SHISA9: variants seen among roughly 807,000 people sequenced by gnomAD.
SHISA9 encodes the protein shisa family member 9.
SHISA9 carries 13 observed loss-of-function variants against 38.0 expected under a neutral mutation model. The observed-to-expected ratio is 0.34, with a 90% confidence interval of 0.22 to 0.54. The LOEUF is 0.54. SHISA9 is among the 20% of genes least tolerant of loss of function. The pLI, the probability that SHISA9 is intolerant of heterozygous loss-of-function variation, is 0.91. For missense variants in SHISA9, 538 were observed against 575.8 expected, an observed-to-expected ratio of 0.93 and a Z score of 0.67; for synonymous variants, 275 against 242.0, an observed-to-expected ratio of 1.14 and a Z score of -1.27.
intron 2 of SHISA9, among the ~76,000 whole-genome samples, chr16:13,007,100 TA>T (rs1461755733): frequency 1.3e-5 from 2 of 152,184 alleles, no homozygotes; most frequent in Non-Finnish European, 2.9e-5. Context: ...TTCTAGATAC[TA>T]GAGATAATAC....
the SHISA9 span, among the ~76,000 whole-genome samples, chr16:13,517,982 C>T: frequency 6.6e-6 from 1 of 152,188 alleles, no homozygotes; most frequent in African/African-American, 2.4e-5. Flanking sequence ...CATGGCAATG[C>T]CCCTTATTGC....
chr16:13,213,253 G>A lies in SHISA9; in HGVS notation c.848G>A (p.Gly283Glu). ...LNKYASLKAV[G>E]SSDGDWAVST... ...CATTTCTTGATTGTTATTTTTTTAG[G>A]AAGTTCTGATGGTGACTGGGCAGTA... Residue 283 changes from glycine (G) to glutamate (E), a missense_variant and splice_region_variant, in exon 4 of 5, where the codon GGA becomes GAA. By Grantham distance (98) the Gly-to-Glu change is moderately conservative. Transcript: ENST00000558583. 6.4e-7 allele frequency: 1 copy of A among 1,551,640 alleles called. No individual in the cohort carries two copies. The highest frequency in any genetic ancestry group is 8.7e-7 in the Non-Finnish European group (1 of 1,146,908).
chr16:13,158,985 A>G (rs2050571934), intron 2 of SHISA9, among the ~76,000 whole-genome samples: 2 of 150,230 alleles, frequency 1.3e-5, no homozygotes, highest in African/African-American at 4.9e-5. Context: ...ACTTGAACCC[A>G]GGAGGCGGAG....
intron 2 of SHISA9, among the ~76,000 whole-genome samples, chr16:13,199,127 C>T (rs1596724703): frequency 6.6e-6 from 1 of 152,224 alleles, no homozygotes; most frequent in Non-Finnish European, 1.5e-5. Flanking sequence ...GACCTGGACA[C>T]AGGGTTTGAG....
intron 2 of SHISA9, among the ~76,000 whole-genome samples, chr16:12,957,101 T>G (rs758148169): frequency 2.6e-5 from 4 of 152,098 alleles, no homozygotes; most frequent in African/African-American, 9.7e-5. Context: ...TCCTTCCCTC[T>G]CCCTTACAAA....
At chr16:13,034,439 C>A (rs1417841572) in intron 2 of SHISA9, among the ~76,000 whole-genome samples, 1 of 152,118 alleles carries the variant, frequency 6.6e-6, no homozygotes, top group Non-Finnish European at 1.5e-5. Flanking sequence ...CTTCTGAGAT[C>A]AGGGAGAATT....
intron 2 of SHISA9, among the ~76,000 whole-genome samples, chr16:13,189,587 G>T (rs911591762): frequency 6.6e-6 from 1 of 152,130 alleles, no homozygotes; most frequent in Non-Finnish European, 1.5e-5. Context: ...CTGAGTACAC[G>T]ACTTTTGTCT....
the SHISA9 span, among the ~76,000 whole-genome samples, chr16:13,480,228 G>A: frequency 1.4e-4 from 22 of 152,082 alleles, no homozygotes; most frequent in Admixed American, 1.2e-3. Flanking sequence ...GGGCTGTTTA[G>A]GGTTTTTATT....
chr16:12,959,123 T>C (rs1376974007), intron 2 of SHISA9, among the ~76,000 whole-genome samples: 3 of 152,208 alleles, frequency 2.0e-5, no homozygotes, highest in Non-Finnish European at 4.4e-5. Context: ...ACCTGATTTG[T>C]GTTTTAAGAG....
At chr16:13,017,305 C>T (rs2141860000) in intron 2 of SHISA9, among the ~76,000 whole-genome samples, 1 of 152,298 alleles carries the variant, frequency 6.6e-6, no homozygotes, top group East Asian at 1.9e-4. Context: ...CAGGTGTGAG[C>T]CACAGTGCCC....
At chr16:12,911,833 A>C (rs902902389) in intron 1 of SHISA9, among the ~76,000 whole-genome samples, 2 of 152,222 alleles carry the variant, frequency 1.3e-5, no homozygotes, top group African/African-American at 4.8e-5. Flanking sequence ...GGCATTTTTA[A>C]ACCACATGTC....
chr16:13,362,849 A>C, the SHISA9 span, among the ~76,000 whole-genome samples: 1 of 152,118 alleles, frequency 6.6e-6, no homozygotes, highest in Non-Finnish European at 1.5e-5. Context: ...GTTTTTTTCA[A>C]AGTCCAGGCA....
the SHISA9 span, among the ~76,000 whole-genome samples, chr16:13,360,153 A>G: frequency 1.3e-5 from 2 of 152,330 alleles, no homozygotes; most frequent in South Asian, 2.1e-4. Context: ...CATATTCTAC[A>G]GTTACTTAAG....
chr16:13,060,188 T>C (rs2073357712), intron 2 of SHISA9, among the ~76,000 whole-genome samples: 1 of 152,172 alleles, frequency 6.6e-6, no homozygotes, highest in South Asian at 2.1e-4. Context: ...TGCGCCCCGA[T>C]GTGCCACATT....
chr16:13,363,436 T>C, the SHISA9 span, among the ~76,000 whole-genome samples: 1 of 152,176 alleles, frequency 6.6e-6, no homozygotes, highest in Non-Finnish European at 1.5e-5. Context: ...AAGGGATTTT[T>C]AAAAATTAGG....
the SHISA9 span, among the ~76,000 whole-genome samples, chr16:13,416,840 A>G: frequency 1.3e-5 from 2 of 151,690 alleles, no homozygotes; most frequent in African/African-American, 4.8e-5. Flanking sequence ...GAAGAGAAAG[A>G]AAGAAAGAGA....
chr16:13,282,465 C>A, the SHISA9 span, among the ~76,000 whole-genome samples: 1 of 151,812 alleles, frequency 6.6e-6, no homozygotes, highest in African/African-American at 2.4e-5. Flanking sequence ...TACATAGTTC[C>A]TGAGTGTGGT....
chr16:13,320,903 C>T, the SHISA9 span, among the ~76,000 whole-genome samples: 1 of 152,172 alleles, frequency 6.6e-6, no homozygotes, highest in Non-Finnish European at 1.5e-5. Flanking sequence ...TATCTTCATT[C>T]TTTGATCTAC....
chr16:13,231,763 T>G (rs753766141), intron 4 of SHISA9, among the ~76,000 whole-genome samples: 1 of 152,178 alleles, frequency 6.6e-6, no homozygotes. Context: ...GATCAATGAA[T>G]GATGTCTAGC....
Sources: allele counts gnomAD v4.1 joint callset (sites outside exome capture counted in the v4.1 genomes callset), GRCh38; gene constraint gnomAD v4.1.1; transcripts MANE v1.5; gene names NCBI Gene and HGNC (gene_info 2026-07-23, HGNC 2026-07-21).